SOBP: variants seen among roughly 807,000 people sequenced by gnomAD.
SOBP encodes sine oculis-binding protein homolog.
A neutral mutation model predicts 53.6 loss-of-function variants in SOBP; 4 were observed. The ratio of observed to expected loss-of-function variants is 0.07; its 90% CI spans 0.04 to 0.17. The LOEUF (loss-of-function observed/expected upper bound fraction) is 0.17, where lower values mean the gene tolerates loss of function less well. SOBP is among the 10% of genes least tolerant of loss of function. SOBP has a pLI of 1.00. For missense variants in SOBP, 1,088 were observed against 1,204.7 expected (o/e 0.90, Z 1.43); for synonymous variants, 584 against 522.6 (o/e 1.12, Z -1.60).
At chr6:107,571,420 G>C in intron 4 of SOBP, among the ~76,000 whole-genome samples, 1 of 149,494 alleles carries the variant, frequency 6.7e-6, no homozygotes, top group East Asian at 2.0e-4. Flanking sequence ...AGTGTAGAGC[G>C]GCAAGGCTTC....
At chr6:107,499,828 G>A (rs753141922) in intron 1 of SOBP, among the ~76,000 whole-genome samples, 12 of 152,202 alleles carry the variant, frequency 7.9e-5, no homozygotes, top group Non-Finnish European at 1.5e-4. Context: ...ACCTGCCTTC[G>A]TTCAGTGGCT....
At chr6:107,568,659 TA>T (rs1562621063) in intron 4 of SOBP, among the ~76,000 whole-genome samples, 1 of 152,226 alleles carries the variant, frequency 6.6e-6, no homozygotes, top group Non-Finnish European at 1.5e-5. Context: ...TGCCAGTCAA[TA>T]GGGACACTAG....
intron 6 of SOBP, among the ~76,000 whole-genome samples, chr6:107,642,231 A>G (rs2115164639): frequency 6.6e-6 from 1 of 152,114 alleles, no homozygotes; most frequent in Non-Finnish European, 1.5e-5. Flanking sequence ...AGATTTGTGG[A>G]TTTCCACAGC....
rs1770856197 is a variant in SOBP, at chr6:107,634,173, C to G, written c.1329C>G (p.Asn443Lys). Reference sequence around the variant, plus strand: ...GGCCCCCGCCCGGTGGCCCCAGAAACCTGGGCCCCACTTCCAGCCCCATGC... The same window carrying G: ...GGCCCCCGCCCGGTGGCCCCAGAAAGCTGGGCCCCACTTCCAGCCCCATGC... ...GIGPPPGGPR[N>K]LGPTSSPMHR... The change falls in exon 6 of 7, where the codon AAC (asparagine) becomes AAG (lysine). Residue 443 changes from asparagine (N) to lysine (K), a missense_variant. Physicochemically the swap from Asn to Lys is moderately conservative, Grantham distance 94 (BLOSUM62 0). Transcript: ENST00000317357. This position sits in a 1 kb window ranked among gnomAD's most constrained non-coding sequence, Gnocchi z 4.5. 6.2e-7 allele frequency: 1 copy of G among 1,610,398 alleles called. No homozygotes were observed. The highest frequency in any genetic ancestry group is 8.5e-7 in the Non-Finnish European group (1 of 1,179,298).
intron 4 of SOBP, among the ~76,000 whole-genome samples, chr6:107,581,258 A>T (rs1180415973): frequency 6.6e-6 from 1 of 152,208 alleles, no homozygotes; most frequent in East Asian, 1.9e-4. Flanking sequence ...TGGCTTCCTA[A>T]AGGAGCTGCA....
At chr6:107,638,623 G>A (rs1187544965) in intron 6 of SOBP, among the ~76,000 whole-genome samples, 11 of 152,174 alleles carry the variant, frequency 7.2e-5, no homozygotes, top group African/African-American at 1.9e-4. Flanking sequence ...ATAAAGGACC[G>A]TATGGCTTTT....
intron 4 of SOBP, among the ~76,000 whole-genome samples, chr6:107,568,136 A>G (rs760878176): frequency 6.0e-4 from 91 of 152,184 alleles, no homozygotes; most frequent in Non-Finnish European, 1.1e-3. Flanking sequence ...TTGTTAATAG[A>G]TAGGGTTAAA....
chr6:107,634,005 G>A lies in SOBP; in HGVS notation c.1161G>A (p.Met387Ile), dbSNP rs1036512198. 1.6e-5 allele frequency: 26 copies of A among 1,613,264 alleles called. No individual in the cohort carries two copies. The highest frequency in any genetic ancestry group is 2.2e-5 in the Non-Finnish European group (26 of 1,179,630). The change falls in exon 6 of 7, where the codon ATG becomes ATA. Residue 387 changes from methionine (M) to isoleucine (I), a missense_variant. Met to Ile is a conservative substitution (Grantham distance 10). Transcript: ENST00000317357. The surrounding 1 kb of genome is among the most constrained non-coding windows in gnomAD (Gnocchi z 4.5). ...CGCCTCGGAGCCCTCCCATGGTGAT[G>A]ACCAACCGCGGCCCGGTGCCGCTGC... ...GVPPRSPPMV[M>I]TNRGPVPLPI...
At chr6:107,601,172 T>G (rs1786166617) in intron 5 of SOBP, among the ~76,000 whole-genome samples, 1 of 152,168 alleles carries the variant, frequency 6.6e-6, no homozygotes. Flanking sequence ...TCAGTTGAGT[T>G]CCTCTCTGAC....
At chr6:107,577,845 A>G (rs4946840) in intron 4 of SOBP, among the ~76,000 whole-genome samples, 70,727 of 152,002 alleles carry the variant, frequency 0.47, 19,037 homozygotes, top group East Asian at 0.74. Context: ...AGGCCGAGGC[A>G]GGTGGATCAC....
At chr6:107,645,717 C>T (rs577348090) in intron 6 of SOBP, among the ~76,000 whole-genome samples, 7 of 152,296 alleles carry the variant, frequency 4.6e-5, no homozygotes, top group South Asian at 4.1e-4. Context: ...TGAATGAAAG[C>T]GTCTCCATAG....
chr6:107,551,524 G>A (rs1309889153), intron 4 of SOBP, among the ~76,000 whole-genome samples: 1 of 152,084 alleles, frequency 6.6e-6, no homozygotes, highest in Non-Finnish European at 1.5e-5. Context: ...ATACAATTAT[G>A]TCACAGCTAC....
intron 6 of SOBP, among the ~76,000 whole-genome samples, chr6:107,642,354 A>G (rs189353904): frequency 6.6e-6 from 1 of 152,364 alleles, no homozygotes; most frequent in Non-Finnish European, 1.5e-5. Context: ...AAAAGATTCT[A>G]GTGAAAAATG....
At chr6:107,581,469 C>T (rs1785400723) in intron 4 of SOBP, among the ~76,000 whole-genome samples, 1 of 152,166 alleles carries the variant, frequency 6.6e-6, no homozygotes. Context: ...CTCTGAAGAC[C>T]TCCCTATGTT....
chr6:107,490,768 C>T, intron 1 of SOBP, 56 bp downstream of exon 1: 2 of 1,353,282 alleles, frequency 1.5e-6, no homozygotes, highest in South Asian at 2.5e-5. Context: ...GCCCGCTCCC[C>T]GTGGGCCGTG....
At position 107,634,508 on chromosome 6, in the gene SOBP, T is replaced by A; in HGVS notation, c.1664T>A (p.Phe555Tyr). The change falls in exon 6 of 7, where the codon TTC (phenylalanine) becomes TAC (tyrosine). Residue 555 changes from phenylalanine to tyrosine, a missense_variant. Transcript: ENST00000317357. This position sits in a 1 kb window ranked among gnomAD's most constrained non-coding sequence, Gnocchi z 4.5. ...AGCGACTCCAAGCCCCCCAACGGGT[T>A]CTCCAGCAACGGGGAGAACTTCATT... ...HVSDSKPPNG[F>Y]SSNGENFIPN... is the part of the protein sequence containing the mutation. 6.2e-7 allele frequency: 1 copy of A among 1,611,406 alleles called. No individual in the cohort carries two copies.
chr6:107,548,481 A>G (rs1039207167), intron 4 of SOBP, among the ~76,000 whole-genome samples: 1 of 152,030 alleles, frequency 6.6e-6, no homozygotes, highest in Non-Finnish European at 1.5e-5. Context: ...TGACCTCGTG[A>G]TGCGCCCGCC....
chr6:107,579,167 G>A (rs143173837), intron 4 of SOBP, among the ~76,000 whole-genome samples: 6 of 152,252 alleles, frequency 3.9e-5, no homozygotes, highest in South Asian at 2.1e-4. Flanking sequence ...GGCAGTGGGC[G>A]GAGGAAGAAA....
At chr6:107,622,209 G>A (rs564400869) in intron 5 of SOBP, among the ~76,000 whole-genome samples, 1 of 152,272 alleles carries the variant, frequency 6.6e-6, no homozygotes, top group South Asian at 2.1e-4. Flanking sequence ...GGTAGACGGG[G>A]TGCCAGAGGG....
Sources: allele counts gnomAD v4.1 joint callset (sites outside exome capture counted in the v4.1 genomes callset), GRCh38; gene constraint gnomAD v4.1.1; non-coding constraint Gnocchi (gnomAD v3.1); transcripts MANE v1.5; gene names NCBI Gene and HGNC (gene_info 2026-07-23, HGNC 2026-07-21).